PLXDC2: variants seen among roughly 807,000 people sequenced by gnomAD.
The protein encoded by PLXDC2 is plexin domain containing 2.
In PLXDC2, 40 loss-of-function variants were observed where a neutral mutation model predicts 68.9. The observed-to-expected ratio is 0.58, with a 90% confidence interval of 0.45 to 0.76. PLXDC2 has a LOEUF of 0.76. Ranked by LOEUF, PLXDC2 falls within the 30% of genes least tolerant of loss-of-function variation. The probability of loss-of-function intolerance (pLI) is 0.00; values close to 1 mark genes in which losing one functional copy is unlikely to be tolerated. For synonymous variants in PLXDC2, 243 were observed against 234.2 expected (o/e 1.04, Z -0.34); for missense variants, 644 against 661.9 (o/e 0.97, Z 0.30).
intron 1 of PLXDC2, among the ~76,000 whole-genome samples, chr10:19,983,297 G>A (rs576000862): frequency 6.6e-6 from 1 of 152,096 alleles, no homozygotes; most frequent in African/African-American, 2.4e-5. Flanking sequence ...AGCCAAACTG[G>A]GAAAGAGGAC....
At chr10:19,884,846 A>G (rs1217080205) in intron 1 of PLXDC2, among the ~76,000 whole-genome samples, 1 of 152,192 alleles carries the variant, frequency 6.6e-6, no homozygotes, top group Non-Finnish European at 1.5e-5. Context: ...AGCATGATTT[A>G]TAGTCCTTTG....
chr10:20,033,206 TA>T (rs1835529357), intron 2 of PLXDC2, among the ~76,000 whole-genome samples: 2 of 150,970 alleles, frequency 1.3e-5, no homozygotes, highest in South Asian at 2.1e-4. Flanking sequence ...AAAAATAAAA[TA>T]AAAAAATAAA....
intron 1 of PLXDC2, among the ~76,000 whole-genome samples, chr10:19,900,220 T>A (rs1334976668): frequency 6.6e-6 from 1 of 152,090 alleles, no homozygotes; most frequent in Non-Finnish European, 1.5e-5. Flanking sequence ...AGATGCAATA[T>A]GAGAATTAGA....
intron 2 of PLXDC2, among the ~76,000 whole-genome samples, chr10:20,012,381 G>A (rs1436302301): frequency 1.2e-4 from 15 of 122,574 alleles, no homozygotes; most frequent in Middle Eastern, 6.3e-3. Flanking sequence ...GCAGTGGCGC[G>A]ATCTCAGCTA....
At chr10:20,147,365 T>G (rs1009412882) in intron 5 of PLXDC2, among the ~76,000 whole-genome samples, 1 of 152,216 alleles carries the variant, frequency 6.6e-6, no homozygotes, top group Admixed American at 6.5e-5. Context: ...CATTTTCAGG[T>G]CTTTTGTATG....
chr10:20,151,732 G>C (rs1834155595), intron 6 of PLXDC2, among the ~76,000 whole-genome samples: 1 of 152,058 alleles, frequency 6.6e-6, no homozygotes, highest in Non-Finnish European at 1.5e-5. Context: ...TTCATTTGCA[G>C]AACTAACCAA....
chr10:19,887,029 A>G (rs1482049650), intron 1 of PLXDC2, among the ~76,000 whole-genome samples: 1 of 152,224 alleles, frequency 6.6e-6, no homozygotes, highest in African/African-American at 2.4e-5. Context: ...TTTTGACTTC[A>G]TAGCTCCCCT....
chr10:20,212,429 C>G (rs1307940284), intron 10 of PLXDC2, among the ~76,000 whole-genome samples: 1 of 152,054 alleles, frequency 6.6e-6, no homozygotes, highest in East Asian at 1.9e-4. Context: ...ACAATTTTAA[C>G]CCGTTTAAAA....
At chr10:19,942,007 G>A (rs1564634601) in intron 1 of PLXDC2, among the ~76,000 whole-genome samples, 1 of 151,326 alleles carries the variant, frequency 6.6e-6, no homozygotes, top group Non-Finnish European at 1.5e-5. Flanking sequence ...TGGTTTTGGA[G>A]TGGAGCTTTT....
At chr10:19,931,365 T>C (rs1002831564) in intron 1 of PLXDC2, among the ~76,000 whole-genome samples, 3 of 152,174 alleles carry the variant, frequency 2.0e-5, no homozygotes, top group African/African-American at 7.2e-5. Context: ...CCAAGCTGTT[T>C]TTAATGACCG....
At chr10:20,212,553 A>G (rs1482957455) in intron 10 of PLXDC2, among the ~76,000 whole-genome samples, 1 of 152,170 alleles carries the variant, frequency 6.6e-6, no homozygotes, top group Non-Finnish European at 1.5e-5. Context: ...TTGGGGTATC[A>G]ATTTTGAATT....
intron 1 of PLXDC2, among the ~76,000 whole-genome samples, chr10:19,863,928 A>G (rs942607661): frequency 6.6e-6 from 1 of 152,202 alleles, no homozygotes; most frequent in African/African-American, 2.4e-5. Context: ...CTAATTATCT[A>G]TGTATAATAC....
In PLXDC2 at chr10:20,255,823, A is replaced by G. The variant is rs144558365; in HGVS notation, c.1473+10318A>G. Among the ~76,000 whole-genome samples, 524 of 152,202 alleles carry G rather than the reference A, an allele frequency of 3.4e-3. 6 individuals are homozygous for G. The highest frequency in any genetic ancestry group is 0.012 in the African/African-American group (484 of 41,588). On this transcript the variant is annotated intron_variant, in intron 13 of 13. Transcript: ENST00000377252. The stretch of plus-strand genomic sequence containing the variant: ...TTTGTTATTTTATTAGAAGTGAACA[A>G]TCAATGGTATTTTTAGTTTGAAAAT...
At chr10:20,182,086 T>TGTGTGC (rs1834613365) in intron 9 of PLXDC2, among the ~76,000 whole-genome samples, 1 of 151,352 alleles carries the variant, frequency 6.6e-6, no homozygotes, top group African/African-American at 2.4e-5. Flanking sequence ...TGTGTGTGTG[T>TGTGTGC]GTGTGTGTGT....
At chr10:20,086,384 G>A (rs1019864036) in intron 4 of PLXDC2, among the ~76,000 whole-genome samples, 2 of 150,794 alleles carry the variant, frequency 1.3e-5, no homozygotes, top group African/African-American at 2.4e-5. Flanking sequence ...TAGAGACTGG[G>A]TCTCCCTATG....
intron 1 of PLXDC2, among the ~76,000 whole-genome samples, chr10:19,898,578 T>C (rs980148625): frequency 6.6e-6 from 1 of 152,284 alleles, no homozygotes; most frequent in East Asian, 1.9e-4. Flanking sequence ...CAGCAAACTT[T>C]AACCACAATG....
At chr10:19,884,113 T>C (rs1481447354) in intron 1 of PLXDC2, among the ~76,000 whole-genome samples, 2 of 150,812 alleles carry the variant, frequency 1.3e-5, no homozygotes, top group African/African-American at 4.9e-5. Flanking sequence ...GCCAGGCTGG[T>C]TTCAAACTCC....
chr10:19,895,027 C>G (rs533993722), intron 1 of PLXDC2, among the ~76,000 whole-genome samples: 6 of 152,130 alleles, frequency 3.9e-5, no homozygotes, highest in Non-Finnish European at 8.8e-5. Context: ...GGAACCAACC[C>G]AAATGCCCAT....
At chr10:19,924,704 A>G (rs1319053481) in intron 1 of PLXDC2, among the ~76,000 whole-genome samples, 2 of 152,220 alleles carry the variant, frequency 1.3e-5, no homozygotes, top group African/African-American at 4.8e-5. Context: ...TGAAAAGATG[A>G]CAGATACCTT....
Sources: allele counts gnomAD v4.1 joint callset (sites outside exome capture counted in the v4.1 genomes callset), GRCh38; gene constraint gnomAD v4.1.1; transcripts MANE v1.5; gene names NCBI Gene and HGNC (gene_info 2026-07-23, HGNC 2026-07-21).